Variants in BIN1 observed in about 807,000 individuals in gnomAD.
BIN1 encodes the protein bridging integrator 1.
A neutral mutation model predicts 82.0 loss-of-function variants in BIN1; 53 were observed. That is an observed-to-expected ratio of 0.65 (90% CI 0.52 to 0.81). The LOEUF (loss-of-function observed/expected upper bound fraction) is 0.81. Ranked by LOEUF, BIN1 falls within the 40% of genes least tolerant of loss-of-function variation. BIN1 has a pLI of 0.00. For missense variants in BIN1, 642 were observed against 784.4 expected (o/e 0.82, Z 2.17); for synonymous variants, 302 against 328.0 (o/e 0.92, Z 0.86).
intron 2 of BIN1, among the ~76,000 whole-genome samples, chr2:127,072,338 C>T (rs1422601224): frequency 6.6e-6 from 1 of 152,222 alleles, no homozygotes; most frequent in Non-Finnish European, 1.5e-5. Context: ...GGGGCCAGCA[C>T]CTTCCAGGCA....
intron 14 of BIN1, chr2:127,052,697 T>C (rs968798218): frequency 8.0e-6 from 3 of 373,614 alleles, no homozygotes; most frequent in African/African-American, 4.1e-5. Context: ...CCCAGGAGCC[T>C]GGGCTGCCAG....
At position 127,061,281 on chromosome 2, in the gene BIN1, C is replaced by T. The variant is rs548425846; in HGVS notation, c.857+834G>A. The stretch of plus-strand genomic sequence containing the variant: ...CTCCCAGCCTCAGGTCACCATGGCC[C>T]CTCTCTCAGCCACAACTATTTTATG... On this transcript the variant is annotated intron_variant, in intron 10 of 18. Transcript: ENST00000316724. Among the ~76,000 whole-genome samples, 23 of 151,404 alleles carry T rather than the reference C, an allele frequency of 1.5e-4. No homozygotes were observed. The South Asian group carries it at 4.8e-3, about 32-fold the overall frequency.
chr2:127,107,014 C>T lies in BIN1; in HGVS notation c.-71G>A. The stretch of plus-strand genomic sequence containing the variant: ...GAGATCTTGCGCGCCGCGCTCCCAG[C>T]CCCCAGCCCCGGCCGCGCGTCCAGA... On this transcript the variant is annotated 5_prime_UTR_variant, in exon 1 of 19. Coordinates refer to ENST00000316724, the MANE Select transcript of BIN1 (RefSeq NM_139343.3). The surrounding 1 kb of genome is among the most constrained non-coding windows in gnomAD (Gnocchi z 5.9). 2 of 1,440,614 alleles carry T rather than the reference C, an allele frequency of 1.4e-6. No homozygotes were observed. The highest frequency in any genetic ancestry group is 1.8e-6 in the Non-Finnish European group (2 of 1,094,710). The allele number at this position is 1,440,614 out of a possible 1,614,324, so 89.2% of individuals were successfully genotyped here.
chr2:127,106,004 T>C (rs1386606761), intron 1 of BIN1, among the ~76,000 whole-genome samples: 1 of 152,250 alleles, frequency 6.6e-6, no homozygotes, highest in African/African-American at 2.4e-5. Context: ...CCTCAATCTC[T>C]GCATTTCCTG....
At chr2:127,086,292 C>A (rs375397098) in intron 1 of BIN1, among the ~76,000 whole-genome samples, 12 of 152,108 alleles carry the variant, frequency 7.9e-5, no homozygotes, top group Non-Finnish European at 1.6e-4. Context: ...GGGGAGCGGG[C>A]GTGTGTCTGG....
chr2:127,073,743 A>C (rs562213136), intron 2 of BIN1, among the ~76,000 whole-genome samples: 8 of 152,306 alleles, frequency 5.3e-5, no homozygotes, highest in African/African-American at 1.9e-4. Context: ...GACTTGCCCC[A>C]CCTCAGTGAC....
chr2:127,089,270 C>A (rs1411128573), intron 1 of BIN1, among the ~76,000 whole-genome samples: 1 of 152,134 alleles, frequency 6.6e-6, no homozygotes, highest in Non-Finnish European at 1.5e-5. Context: ...CTGGAAGACT[C>A]TGGCCCTTAA....
chr2:127,070,813 C>T lies in BIN1; in HGVS notation c.169G>A (p.Glu57Lys), dbSNP rs1685792717. ...CVQNFNKQLT[E>K]GTRLQKDLRT... ...AGATCCTTCTGCAGCCGGGTGCCCT[C>T]CGTCTGCAAAGAGAAGGACAAGGAC... is the stretch of plus-strand genomic sequence containing the variant. The change falls in exon 3 of 19, where the codon GAG becomes AAG. Residue 57 changes from glutamate to lysine, a missense_variant. Physicochemically the swap from Glu to Lys is moderately conservative, Grantham distance 56 (BLOSUM62 1). Coordinates refer to ENST00000316724, the MANE Select transcript of BIN1 (RefSeq NM_139343.3). The T allele has an allele frequency of 6.2e-7, 1 of 1,612,092 alleles. No homozygotes were observed. The highest frequency in any genetic ancestry group is 1.3e-5 in the African/African-American group (1 of 74,932).
At chr2:127,088,488 C>G (rs1678475826) in intron 1 of BIN1, among the ~76,000 whole-genome samples, 1 of 152,158 alleles carries the variant, frequency 6.6e-6, no homozygotes, top group Non-Finnish European at 1.5e-5. Flanking sequence ...GTAATCCCAG[C>G]ACTTTGGGAG....
rs952043582 is a variant in BIN1 at position 127,107,105 on chromosome 2, G to A, written c.-162C>T. On this transcript the variant is annotated 5_prime_UTR_variant, in exon 1 of 19. Transcript: ENST00000316724. This position sits in a 1 kb window ranked among gnomAD's most constrained non-coding sequence, Gnocchi z 5.9. ...ACTGACGGAGGCGGAGCGTGCGCCG[G>A]ACGGGCGAGCGAGCCAGCGAGCTAG... The A allele has an allele frequency of 4.4e-5, 33 of 746,998 alleles. No homozygotes were observed. Among genetic ancestry groups the A allele is most frequent in the Middle Eastern group, 7.5e-4 (2 of 2,658 alleles). 46.3% of individuals were successfully genotyped at this position (746,998 alleles called of 1,614,324 possible). A position where few individuals can be genotyped will look rare whatever the true frequency, so the allele number is the denominator to read the frequency against.
intron 1 of BIN1, among the ~76,000 whole-genome samples, chr2:127,103,618 C>T (rs934315079): frequency 3.3e-5 from 5 of 152,160 alleles, no homozygotes; most frequent in East Asian, 1.9e-4. Context: ...TCCGTCAGGC[C>T]GGCTCCATGA....
intron 1 of BIN1, among the ~76,000 whole-genome samples, chr2:127,105,739 A>G (rs1681016668): frequency 6.6e-6 from 1 of 152,120 alleles, no homozygotes; most frequent in African/African-American, 2.4e-5. Flanking sequence ...CATTGTTTAT[A>G]AACAGCCACC....
intron 9 of BIN1, 71 bp downstream of exon 9, chr2:127,063,500 C>T: frequency 6.6e-7 from 1 of 1,503,782 alleles, no homozygotes; most frequent in Non-Finnish European, 9.2e-7. Context: ...CAGGCTGCCC[C>T]TCCCACGACT....
Position 127,098,284 on chromosome 2 carries a change from A to G in BIN1, c.84+8576T>C, listed in dbSNP as rs533415697. On this transcript the variant is annotated intron_variant, in intron 1 of 18. Coordinates refer to ENST00000316724, the MANE Select transcript of BIN1 (RefSeq NM_139343.3). ...AGGGAACGGAAGGCCTGAGCTCCAC[A>G]GACCCTGGTAGTGATAAATCCTTCC... 9.2e-5 allele frequency among the ~76,000 whole-genome samples: 14 copies of G among 152,292 alleles called. No individual in the cohort carries two copies. The East Asian group carries it at 2.7e-3, about 29-fold the overall frequency.
chr2:127,052,205 C>T (rs887718789), intron 15 of BIN1, 50 bp downstream of exon 15: 1 of 1,527,050 alleles, frequency 6.5e-7, no homozygotes, highest in Non-Finnish European at 8.9e-7. Context: ...CCATGCTGCA[C>T]CCCTAGAGAC....
chr2:127,048,633 C>T lies in BIN1; in HGVS notation c.1675G>A (p.Asp559Asn), dbSNP rs1452086430. The T allele has an allele frequency of 1.9e-6, 3 of 1,612,614 alleles. No individual in the cohort carries two copies. Among genetic ancestry groups the T allele is most frequent in the Admixed American group, 1.7e-5 (1 of 60,012 alleles). Residue 559 changes from aspartate (D) to asparagine (N), a missense_variant and splice_region_variant, in exon 19 of 19, where the codon GAT becomes AAT. By Grantham distance (23) the Asp-to-Asn change is conservative (BLOSUM62 1). Coordinates refer to ENST00000316724, the MANE Select transcript of BIN1 (RefSeq NM_139343.3). ...TTCACGCCCATGAGCCAGCCTTCAT[C>T]CTGAGGGGCAGAGCACCAGGTCGCA... ...VIPFQNPEEQ[D>N]EGWLMGVKES...
At position 127,057,744 on chromosome 2, in the gene BIN1, T is replaced by C. The variant is rs1309510225; in HGVS notation, c.1003-143A>G. The C allele has an allele frequency of 9.3e-7, 1 of 1,073,388 alleles. No individual in the cohort carries two copies. Among genetic ancestry groups the C allele is most frequent in the African/African-American group, 1.6e-5 (1 of 61,306 alleles). The allele number at this position is 1,073,388 out of a possible 1,614,324, so 66.5% of individuals were successfully genotyped here. A position where few individuals can be genotyped will look rare whatever the true frequency, so the allele number is the denominator to read the frequency against. ...AGGCCACTGAGCAGGACGCAGCAAA[T>C]GAAGAGTCACTGCCCTCCCAGCCCC... On this transcript the variant is annotated intron_variant, in intron 11 of 18. Coordinates refer to ENST00000316724, the MANE Select transcript of BIN1 (RefSeq NM_139343.3). The surrounding 1 kb of genome is among the most constrained non-coding windows in gnomAD (Gnocchi z 5.0).
intron 10 of BIN1, chr2:127,060,656 G>C: frequency 6.2e-7 from 1 of 1,614,108 alleles, no homozygotes; most frequent in Non-Finnish European, 8.5e-7. Context: ...GGGACGGACG[G>C]GAGGTGGAGG....
Position 127,053,917 on chromosome 2 carries a change from C to A in BIN1, c.1227G>T (p.Thr409=), listed in dbSNP as rs751173050. 6.4e-7 allele frequency: 1 copy of A among 1,551,222 alleles called. No individual in the cohort carries two copies. The highest frequency in any genetic ancestry group is 1.2e-5 in the South Asian group (1 of 84,038). Residue 409 remains threonine, a synonymous_variant, in exon 13 of 19, where the codon ACG becomes ACT. Transcript: ENST00000316724. ...GGGCACAACCAACCTGACCAGAGGG[C>A]GTGGGTGCCTTCACAGGGCTCGTCA... ...PPVTSPVKAP[T]PSGQSIPWDL...
Sources: allele counts gnomAD v4.1 joint callset (sites outside exome capture counted in the v4.1 genomes callset), GRCh38; gene constraint gnomAD v4.1.1; non-coding constraint Gnocchi (gnomAD v3.1); transcripts MANE v1.5; gene names NCBI Gene and HGNC (gene_info 2026-07-23, HGNC 2026-07-21).